Variants in ATR observed in about 807,000 individuals in gnomAD.
The protein encoded by ATR is serine/threonine-protein kinase ATR.
A neutral mutation model predicts 305.3 loss-of-function variants in ATR; 142 were observed. That is an observed-to-expected ratio of 0.47 (90% CI 0.41 to 0.53). The LOEUF is 0.53. Among genes scored for constraint, ATR ranks in the 20% least tolerant of loss-of-function variants. The pLI, the probability that ATR is intolerant of heterozygous loss-of-function variation, is 0.00. For missense variants in ATR, 2,135 were observed against 3,133.1 expected (o/e 0.68, Z 7.60); for synonymous variants, 1,050 against 1,068.1 (o/e 0.98, Z 0.33).
In ATR at chr3:142,512,294, G is replaced by A. The variant is rs752931025; in HGVS notation, c.4818C>T (p.His1606=). The A allele has an allele frequency of 7.4e-6, 12 of 1,611,112 alleles. No individual in the cohort carries two copies. Among genetic ancestry groups the A allele is most frequent in the African/African-American group, 4.0e-5 (3 of 74,346 alleles). ...FQALKAEKCP[H]SKSNRNKVDS... is the part of the protein sequence containing the mutation. ...CTACCTTATTTCTGTTTGATTTGCT[G>A]TGTGGACATTTCTCAGCTTTCAGTG... The change falls in exon 27 of 47, where the codon CAC becomes CAT. Residue 1606 remains histidine, a synonymous_variant. Transcript: ENST00000350721.
intron 27 of ATR, among the ~76,000 whole-genome samples, chr3:142,508,999 T>A (rs2032407944): frequency 6.6e-6 from 1 of 151,582 alleles, no homozygotes; most frequent in African/African-American, 2.4e-5. Context: ...TTAGGATAAT[T>A]TTTCAAGAGT....
chr3:142,559,613 A>G (rs2034805342), intron 6 of ATR, among the ~76,000 whole-genome samples, 172 bp from the exon 7 acceptor site: 1 of 152,222 alleles, frequency 6.6e-6, no homozygotes, highest in Non-Finnish European at 1.5e-5. Context: ...AGTTGAATCT[A>G]TTTATGTCAG....
At position 142,512,220 on chromosome 3, in the gene ATR, T is replaced by A. The variant is rs559500567; in HGVS notation, c.4852+40A>T. ...AGGGAAGAGCTAATTGGTGAATAGC[T>A]AAAAAAAAAAAAAAAAAAGAAACAG... On this transcript the variant is annotated intron_variant, in intron 27 of 46. Coordinates refer to ENST00000350721, the MANE Select transcript of ATR (RefSeq NM_001184.4). 28 of 1,245,992 alleles carry A rather than the reference T, an allele frequency of 2.2e-5. No individual in the cohort carries two copies. In the South Asian group the frequency reaches 3.1e-4, roughly 14 times the overall value. 77.2% of individuals were successfully genotyped at this position (1,245,992 alleles called of 1,614,324 possible). A position where few individuals can be genotyped will look rare whatever the true frequency, so the allele number is the denominator to read the frequency against.
At chr3:142,450,881 A>C (rs1158377849) in intron 46 of ATR, 12 of 1,298,702 alleles carry the variant, frequency 9.2e-6, no homozygotes, top group Non-Finnish European at 1.2e-5. Flanking sequence ...GACAGATACC[A>C]ATACGGTGTT....
chr3:142,475,045 G>T (rs2071400598), intron 36 of ATR, among the ~76,000 whole-genome samples: 1 of 151,854 alleles, frequency 6.6e-6, no homozygotes, highest in Non-Finnish European at 1.5e-5. Context: ...TAGATTAATG[G>T]ATGTTCATTC....
intron 15 of ATR, 42 bp from the exon 16 acceptor site, chr3:142,547,952 T>A (rs2108452170): frequency 1.3e-6 from 2 of 1,540,104 alleles, no homozygotes; most frequent in East Asian, 2.3e-5. Context: ...TTCTTCATAC[T>A]AATATCCTGG....
intron 21 of ATR, 29 bp downstream of exon 21, chr3:142,535,051 A>G (rs2108424012): frequency 6.3e-7 from 1 of 1,587,664 alleles, no homozygotes; most frequent in Non-Finnish European, 8.6e-7. Flanking sequence ...TCTTTGTTAT[A>G]CATTTTTAAT....
chr3:142,552,258 T>C (rs1277584571), intron 13 of ATR, among the ~76,000 whole-genome samples: 1 of 152,114 alleles, frequency 6.6e-6, no homozygotes, highest in East Asian at 1.9e-4. Context: ...GAGGCAGAAA[T>C]ACCATTTGAC....
chr3:142,556,267 C>G, intron 9 of ATR, 116 bp downstream of exon 9: 1 of 1,485,114 alleles, frequency 6.7e-7, no homozygotes, highest in Non-Finnish European at 9.2e-7. Flanking sequence ...AATTCTAAAA[C>G]TAAAAGCAAC....
In ATR at chr3:142,453,212, A is replaced by G; in HGVS notation, c.7677T>C (p.His2559=). 1 of 1,613,352 alleles carries G rather than the reference A, an allele frequency of 6.2e-7. No individual in the cohort carries two copies. The highest frequency in any genetic ancestry group is 8.5e-7 in the Non-Finnish European group (1 of 1,179,278). Residue 2559 remains histidine (H), a synonymous_variant, in exon 46 of 47, where the codon CAT becomes CAC. Transcript: ENST00000350721. Reference sequence around the variant, plus strand: ...GTTTACTCCATTCCACAAGAGGATCATGTAGAAAAGTCTTTAAGACACTAA... The same window carrying G: ...GTTTACTCCATTCCACAAGAGGATCGTGTAGAAAAGTCTTTAAGACACTAA... The part of the protein sequence containing the change: ...PLMSVLKTFL[H]DPLVEWSKPV...
In ATR at chr3:142,515,402, A is replaced by G; in HGVS notation, c.4496T>C (p.Ile1499Thr). The G allele has an allele frequency of 1.2e-6, 2 of 1,613,838 alleles. No homozygotes were observed. Among genetic ancestry groups the G allele is most frequent in the Non-Finnish European group, 1.7e-6 (2 of 1,179,880 alleles). ...EWSASWAGYL[I>T]TKVRHDLASK... ...CTGAACAGGGTTTCTTACCTTTGTA[A>G]TAAGATAACCTGCCCAAGATGCTGA... Residue 1499 changes from isoleucine to threonine, a missense_variant, in exon 25 of 47, where the codon ATT (isoleucine) becomes ACT (threonine). Physicochemically the swap from Ile to Thr is moderately conservative, Grantham distance 89. Around this residue, in one of 9 missense-constraint regions of ATR, gnomAD observed 202 missense variants for 252.9 expected, o/e 0.80. Coordinates refer to ENST00000350721, the MANE Select transcript of ATR (RefSeq NM_001184.4).
chr3:142,496,956 T>C (rs1333869719), intron 33 of ATR, 57 bp downstream of exon 33: 1 of 1,539,910 alleles, frequency 6.5e-7, no homozygotes, highest in African/African-American at 1.4e-5. Flanking sequence ...CCCCAAATAA[T>C]ATCCAAATAC....
At chr3:142,454,874 A>C (rs1298178359) in intron 45 of ATR, among the ~76,000 whole-genome samples, 1 of 152,218 alleles carries the variant, frequency 6.6e-6, no homozygotes. Context: ...CAGGAACAAG[A>C]CAAGGATGTC....
In ATR at chr3:142,453,176, C is replaced by A. The variant is rs1228886993; in HGVS notation, c.7713G>T (p.Gly2571=). 1 of 1,613,978 alleles carries A rather than the reference C, an allele frequency of 6.2e-7. No homozygotes were observed. Among genetic ancestry groups the A allele is most frequent in the Admixed American group, 1.7e-5 (1 of 60,022 alleles). ...PLVEWSKPVK[G]HSKAPLNETG... is the part of the protein sequence containing the mutation. ...TTTCATTCAGTGGCGCTTTGGAATG[C>A]CCTTTCACTGGTTTACTCCATTCCA... Residue 2571 remains glycine (G), a synonymous_variant, in exon 46 of 47, where the codon GGG becomes GGT. Coordinates refer to ENST00000350721, the MANE Select transcript of ATR (RefSeq NM_001184.4).
intron 45 of ATR, among the ~76,000 whole-genome samples, chr3:142,454,485 G>A (rs1270465926): frequency 7.3e-6 from 1 of 137,080 alleles, no homozygotes; most frequent in Non-Finnish European, 1.5e-5. Context: ...CTGTCGCCCA[G>A]GCTGGAGTGC....
chr3:142,561,829 A>C (rs2034891780), intron 4 of ATR, among the ~76,000 whole-genome samples: 1 of 152,216 alleles, frequency 6.6e-6, no homozygotes, highest in Admixed American at 6.5e-5. Context: ...CCAAATAGAA[A>C]AAAGCGCATA....
chr3:142,478,651 C>T (rs1577533989), intron 36 of ATR, among the ~76,000 whole-genome samples: 1 of 152,144 alleles, frequency 6.6e-6, no homozygotes, highest in Non-Finnish European at 1.5e-5. Flanking sequence ...TTCTTGTTAA[C>T]CTTCTGTCTC....
chr3:142,508,915 C>A (rs532309732), intron 27 of ATR, among the ~76,000 whole-genome samples: 3 of 100,180 alleles, frequency 3.0e-5, no homozygotes, highest in Non-Finnish European at 5.7e-5. Flanking sequence ...CAGAGCGAGA[C>A]TCCGTATCAA....
intron 35 of ATR, among the ~76,000 whole-genome samples, chr3:142,485,608 T>C (rs1232137643): frequency 5.9e-5 from 9 of 152,144 alleles, no homozygotes; most frequent in Admixed American, 5.9e-4. Flanking sequence ...AATTTTTTTA[T>C]ACATATATAT....
Sources: gnomAD v4.1 joint callset for allele counts (sites outside exome capture counted in the v4.1 genomes callset) on GRCh38, gnomAD v4.1.1 for gene constraint, gnomAD v4.1.1 regional missense constraint, MANE v1.5 for transcripts, NCBI Gene and HGNC (gene_info 2026-07-23, HGNC 2026-07-21) for gene names.